The following ZNF451 variants were observed in gnomAD, a reference collection of about 807,000 sequenced individuals.
The protein encoded by ZNF451 is E3 SUMO-protein ligase ZNF451.
In ZNF451, 80 loss-of-function variants were observed where a neutral mutation model predicts 107.1. The ratio of observed to expected loss-of-function variants is 0.75; its 90% CI spans 0.62 to 0.90. The LOEUF is 0.90. Ranked by LOEUF, ZNF451 falls within the 40% of genes least tolerant of loss-of-function variation. ZNF451 has a pLI of 0.00. For missense variants in ZNF451, 1,107 were observed against 1,236.2 expected (o/e 0.90, Z 1.57); for synonymous variants, 362 against 406.5 (o/e 0.89, Z 1.32).
intron 14 of ZNF451, among the ~76,000 whole-genome samples, chr6:57,167,423 GT>G (rs1302554474): frequency 6.6e-6 from 1 of 151,994 alleles, no homozygotes; most frequent in African/African-American, 2.4e-5. Flanking sequence ...TTGTCCCCTT[GT>G]TTTTCTTTGG....
At chr6:57,122,873 G>A (rs1830710916) in intron 3 of ZNF451, among the ~76,000 whole-genome samples, 1 of 152,182 alleles carries the variant, frequency 6.6e-6, no homozygotes, top group Admixed American at 6.5e-5. Context: ...CCATTACTGG[G>A]TATATTATCC....
In ZNF451 at chr6:57,147,932, A is replaced by G. The variant is rs1359841031; in HGVS notation, c.1847A>G (p.Asp616Gly). The change falls in exon 10 of 15, where the codon GAT (aspartate) becomes GGT (glycine). Residue 616 changes from aspartate to glycine, a missense_variant. Coordinates refer to ENST00000370706, the MANE Select transcript of ZNF451 (RefSeq NM_001031623.3). ...WQCRICEDMF[D>G]SQEYVKQHCM... ...TGCCGGATTTGTGAAGATATGTTTG[A>G]TTCCCAGGAATATGTAAAACAGCAC... 1 of 1,614,142 alleles carries G rather than the reference A, an allele frequency of 6.2e-7. No homozygotes were observed.
chr6:57,147,431 T>A lies in ZNF451; in HGVS notation c.1346T>A (p.Met449Lys). The stretch of plus-strand genomic sequence containing the variant: ...TGCATTGCCATTCCAAAAAAGAAGA[T>A]GAATTTAAAAGATAAAAGCCATGAA... ...LECIAIPKKK[M>K]NLKDKSHEGV... Residue 449 changes from methionine (M) to lysine (K), a missense_variant, in exon 10 of 15, where the codon ATG becomes AAG. Met to Lys is a moderately conservative substitution (Grantham distance 95). This residue lies in a region of ZNF451 where 608 missense variants were observed against 649.2 expected (regional missense o/e 0.94). Coordinates refer to ENST00000370706, the MANE Select transcript of ZNF451 (RefSeq NM_001031623.3). 6.2e-7 allele frequency: 1 copy of A among 1,613,896 alleles called. No individual in the cohort carries two copies. Among genetic ancestry groups the A allele is most frequent in the Non-Finnish European group, 8.5e-7 (1 of 1,179,916 alleles).
intron 9 of ZNF451, among the ~76,000 whole-genome samples, chr6:57,144,622 T>C (rs776759213): frequency 1.3e-5 from 2 of 152,108 alleles, no homozygotes; most frequent in African/African-American, 2.4e-5. Flanking sequence ...GTTTGACCTA[T>C]AGGTTTATTA....
At chr6:57,158,522 T>G (rs1364898673) in intron 13 of ZNF451, 2 of 985,292 alleles carry the variant, frequency 2.0e-6, no homozygotes, top group East Asian at 1.1e-4. Flanking sequence ...CTTTACAGGC[T>G]CCTCGAGATG....
chr6:57,123,737 C>T (rs1366971915), intron 3 of ZNF451, among the ~76,000 whole-genome samples: 1 of 152,022 alleles, frequency 6.6e-6, no homozygotes, highest in Non-Finnish European at 1.5e-5. Flanking sequence ...AAGATGTACA[C>T]ATTTTGTTAT....
chr6:57,102,961 G>C (rs1160134838), intron 3 of ZNF451: 2 of 985,256 alleles, frequency 2.0e-6, no homozygotes, highest in Non-Finnish European at 2.4e-6. Flanking sequence ...ACTGAGTCAT[G>C]GTAGTCTCTC....
chr6:57,138,712 T>C (rs1388763165), intron 7 of ZNF451, among the ~76,000 whole-genome samples: 14 of 78,474 alleles, frequency 1.8e-4, no homozygotes, highest in African/African-American at 1.1e-3. Context: ...GCCATATATA[T>C]ATATATATAT....
chr6:57,136,182 C>T (rs1289694439), intron 7 of ZNF451, among the ~76,000 whole-genome samples: 2 of 151,942 alleles, frequency 1.3e-5, no homozygotes, highest in Admixed American at 1.3e-4. Context: ...GGATTCCTAA[C>T]AAAAATAAAT....
chr6:57,128,883 A>G, intron 5 of ZNF451, 43 bp downstream of exon 5: 2 of 1,432,360 alleles, frequency 1.4e-6, no homozygotes, highest in Middle Eastern at 1.8e-4. Flanking sequence ...GCTTCCCCAA[A>G]GCCTTAAGGC....
At position 57,090,242 on chromosome 6, in the gene ZNF451, G is replaced by T. The variant is rs747064348; in HGVS notation, c.-12G>T. 13 of 1,610,574 alleles carry T rather than the reference G, an allele frequency of 8.1e-6. No homozygotes were observed. The South Asian group carries it at 1.4e-4, about 18-fold the overall frequency. ...CAGGAGCAGTGGTGCTGTCAGCGCG[G>T]CCGTCGGAGACATGGGAGACCCGGG... On this transcript the variant is annotated 5_prime_UTR_variant, in exon 1 of 15. Coordinates refer to ENST00000370706, the MANE Select transcript of ZNF451 (RefSeq NM_001031623.3).
chr6:57,165,922 G>C (rs763587710), intron 14 of ZNF451: 2 of 152,296 alleles, frequency 1.3e-5, no homozygotes, highest in Non-Finnish European at 2.9e-5. Context: ...GCAGGATGGG[G>C]AAGTTGCTCT....
chr6:57,144,234 C>CTTTTT (rs57250829), intron 9 of ZNF451, among the ~76,000 whole-genome samples: 23 of 114,798 alleles, frequency 2.0e-4, no homozygotes, highest in Non-Finnish European at 3.3e-4. Flanking sequence ...GAATTATATC[C>CTTTTT]TTTTTTTTTT....
chr6:57,155,760 C>T (rs1484486326), intron 13 of ZNF451, among the ~76,000 whole-genome samples: 1 of 150,132 alleles, frequency 6.7e-6, no homozygotes. Flanking sequence ...AGGTAAGATA[C>T]AGGTTATTAA....
At chr6:57,102,589 A>G in intron 3 of ZNF451, 1 of 986,792 alleles carries the variant, frequency 1.0e-6, no homozygotes, top group Non-Finnish European at 1.2e-6. Flanking sequence ...AAAATGACAC[A>G]TCTGTTAAAA....
intron 14 of ZNF451, among the ~76,000 whole-genome samples, chr6:57,164,052 G>C (rs1441097953): frequency 6.6e-6 from 1 of 152,118 alleles, no homozygotes; most frequent in African/African-American, 2.4e-5. Flanking sequence ...TTTTGCCTTA[G>C]GGTAATTCCC....
chr6:57,092,035 G>C (rs1390490776), intron 2 of ZNF451, among the ~76,000 whole-genome samples: 1 of 152,112 alleles, frequency 6.6e-6, no homozygotes, highest in Admixed American at 6.5e-5. Context: ...ATTGTATCCT[G>C]TCCTTTCCTT....
In ZNF451 at chr6:57,147,549, G is replaced by C. The variant is rs1832128724; in HGVS notation, c.1464G>C (p.Lys488Asn). The change falls in exon 10 of 15, where the codon AAG becomes AAC. Residue 488 changes from lysine (K) to asparagine (N), a missense_variant. Around this residue, in one of 5 missense-constraint regions of ZNF451, gnomAD observed 608 missense variants for 649.2 expected, o/e 0.94. Coordinates refer to ENST00000370706, the MANE Select transcript of ZNF451 (RefSeq NM_001031623.3). ...QRFPSEDAVE[K>N]HVFSANTMGY... Reference sequence around the variant, plus strand: ...TCCCAAGTGAAGATGCAGTAGAAAAGCATGTTTTCTCAGCAAACACAATGG... The same window carrying C: ...TCCCAAGTGAAGATGCAGTAGAAAACCATGTTTTCTCAGCAAACACAATGG... 2 of 1,614,152 alleles carry C rather than the reference G, an allele frequency of 1.2e-6. No homozygotes were observed. Among genetic ancestry groups the C allele is most frequent in the Non-Finnish European group, 1.7e-6 (2 of 1,179,984 alleles).
intron 5 of ZNF451, among the ~76,000 whole-genome samples, chr6:57,132,692 ATTTTTTTTCCCT>A (rs1831239160): frequency 6.6e-6 from 1 of 151,446 alleles, no homozygotes; most frequent in East Asian, 1.9e-4. Context: ...AAAGAAAAGG[ATTTTTTTTCCCT>A]AAAGGGAAAA....
Sources: gnomAD v4.1 joint callset for allele counts (sites outside exome capture counted in the v4.1 genomes callset) on GRCh38, gnomAD v4.1.1 for gene constraint, gnomAD v4.1.1 regional missense constraint, MANE v1.5 for transcripts, NCBI Gene and HGNC (gene_info 2026-07-23, HGNC 2026-07-21) for gene names.